Variants in SGSM1 observed in about 807,000 individuals in gnomAD.
SGSM1 encodes the protein RUN and TBC1 domain containing 2.
Under a neutral mutation model 133.8 loss-of-function variants are expected in SGSM1, and 73 were observed. That is an observed-to-expected ratio of 0.55 (90% CI 0.45 to 0.66). SGSM1 has a LOEUF of 0.66. SGSM1 is among the 30% of genes least tolerant of loss of function. The pLI, the probability that SGSM1 is intolerant of heterozygous loss-of-function variation, is 0.00. For missense variants in SGSM1, 1,213 were observed against 1,448.1 expected (o/e 0.84, Z 2.64); for synonymous variants, 563 against 573.0 (o/e 0.98, Z 0.25).
intron 22 of SGSM1, among the ~76,000 whole-genome samples, chr22:24,916,543 C>T (rs969407467): frequency 6.6e-6 from 1 of 151,994 alleles, no homozygotes; most frequent in Non-Finnish European, 1.5e-5. Flanking sequence ...TTAAAAATAA[C>T]AAAAATTAGC....
At chr22:24,907,386 AT>A (rs1215477680) in intron 21 of SGSM1, among the ~76,000 whole-genome samples, 2 of 152,160 alleles carry the variant, frequency 1.3e-5, no homozygotes, top group East Asian at 3.8e-4. Flanking sequence ...GTTGAAATAA[AT>A]TTTAAAAACC....
intron 12 of SGSM1, among the ~76,000 whole-genome samples, chr22:24,876,228 G>A (rs1304801238): frequency 6.6e-6 from 1 of 152,150 alleles, no homozygotes; most frequent in Non-Finnish European, 1.5e-5. Flanking sequence ...CATCCAGCAG[G>A]CTCCCCTTCC....
At chr22:24,806,539 C>G (rs1927398870) in intron 2 of SGSM1, 55 bp downstream of exon 2, 1 of 1,485,270 alleles carries the variant, frequency 6.7e-7, no homozygotes, top group African/African-American at 1.5e-5. Context: ...AGCGGCCAAA[C>G]GGGAAAAGAG....
chr22:24,838,936 A>AAAG (rs1399997152), intron 2 of SGSM1, among the ~76,000 whole-genome samples: 2 of 151,898 alleles, frequency 1.3e-5, no homozygotes, highest in African/African-American at 2.4e-5. Context: ...CTGCAAAAAA[A>AAAG]AAAGCACCAT....
intron 23 of SGSM1, 47 bp from the exon 24 acceptor site, chr22:24,919,779 G>A (rs1933941831): frequency 6.2e-7 from 1 of 1,607,758 alleles, no homozygotes; most frequent in South Asian, 1.1e-5. Context: ...GCAACACTGT[G>A]AGCCCCGTCA....
chr22:24,841,142 G>A (rs1265172328), intron 2 of SGSM1, among the ~76,000 whole-genome samples: 2 of 152,214 alleles, frequency 1.3e-5, no homozygotes, highest in East Asian at 1.9e-4. Context: ...GAGCCACCGT[G>A]CCCTGCTGTG....
intron 21 of SGSM1, 121 bp from the exon 22 acceptor site, chr22:24,912,522 C>CG (rs1933664289): frequency 1.5e-6 from 1 of 661,020 alleles, no homozygotes; most frequent in African/African-American, 1.8e-5. Context: ...ACTAAAAATA[C>CG]AAAAAAGGTC....
At chr22:24,901,800 C>T (rs751165932) in intron 19 of SGSM1, 33 bp from the exon 20 acceptor site, 1 of 1,603,116 alleles carries the variant, frequency 6.2e-7, no homozygotes, top group South Asian at 1.1e-5. Context: ...TTTTTCATTT[C>T]TTCCCCCTAC....
intron 2 of SGSM1, among the ~76,000 whole-genome samples, chr22:24,810,805 G>A (rs60253061): frequency 0.018 from 2,734 of 152,218 alleles, 75 homozygotes; most frequent in African/African-American, 0.063. Flanking sequence ...AACAGAGCCT[G>A]TTTGGAGAAC....
chr22:24,806,540 G>A (rs1278588199), intron 2 of SGSM1, 56 bp downstream of exon 2: 3 of 1,481,320 alleles, frequency 2.0e-6, no homozygotes, highest in Non-Finnish European at 2.7e-6. Flanking sequence ...GCGGCCAAAC[G>A]GGAAAAGAGT....
chr22:24,889,718 C>T (rs935353009), intron 16 of SGSM1, among the ~76,000 whole-genome samples: 4 of 147,980 alleles, frequency 2.7e-5, no homozygotes, highest in South Asian at 4.3e-4. Context: ...GGCGCGATCT[C>T]GGCTCACTGC....
intron 20 of SGSM1, among the ~76,000 whole-genome samples, chr22:24,904,256 A>G (rs758201666): frequency 3.3e-5 from 5 of 152,176 alleles, no homozygotes; most frequent in Non-Finnish European, 5.9e-5. Flanking sequence ...GAAATGGGAT[A>G]GTCCATGTTT....
chr22:24,915,131 A>G (rs1238728717), intron 22 of SGSM1, among the ~76,000 whole-genome samples: 2 of 152,206 alleles, frequency 1.3e-5, no homozygotes, highest in Non-Finnish European at 2.9e-5. Context: ...CCGGAGGCTG[A>G]GATAGGAGAA....
intron 20 of SGSM1, among the ~76,000 whole-genome samples, chr22:24,904,453 G>A (rs575565619): frequency 7.9e-5 from 12 of 151,912 alleles, no homozygotes; most frequent in Admixed American, 2.6e-4. Context: ...GGTGGCGGGC[G>A]CCTGTAGTCC....
intron 13 of SGSM1, among the ~76,000 whole-genome samples, chr22:24,876,985 A>G (rs1932057322): frequency 1.3e-5 from 2 of 152,214 alleles, no homozygotes; most frequent in African/African-American, 4.8e-5. Flanking sequence ...CTGTGTTTCT[A>G]TCATGGGTCA....
chr22:24,813,648 T>G (rs1927886057), intron 2 of SGSM1: 1 of 147,358 alleles, frequency 6.8e-6, no homozygotes, highest in African/African-American at 2.4e-5. Context: ...TGCAGCCATA[T>G]CCACCCGATG....
intron 8 of SGSM1, among the ~76,000 whole-genome samples, chr22:24,856,833 A>T (rs1429314651): frequency 6.8e-6 from 1 of 146,410 alleles, no homozygotes; most frequent in Non-Finnish European, 1.5e-5. Context: ...CAGGGGTGCG[A>T]TTTCAGCTCA....
At chr22:24,889,996 G>A (rs182354817) in intron 16 of SGSM1, among the ~76,000 whole-genome samples, 5 of 137,474 alleles carry the variant, frequency 3.6e-5, no homozygotes, top group Non-Finnish European at 6.1e-5. Context: ...TTGCTCTGTC[G>A]CCCAGGCTGG....
At chr22:24,835,074 A>G (rs1395517539) in intron 2 of SGSM1, among the ~76,000 whole-genome samples, 1 of 152,106 alleles carries the variant, frequency 6.6e-6, no homozygotes, top group Non-Finnish European at 1.5e-5. Flanking sequence ...AACTCTTTTC[A>G]TACCTGCTCC....
Sources: allele counts gnomAD v4.1 joint callset (sites outside exome capture counted in the v4.1 genomes callset), GRCh38; gene constraint gnomAD v4.1.1; transcripts MANE v1.5; gene names NCBI Gene and HGNC (gene_info 2026-07-23, HGNC 2026-07-21).